Variants in LINGO2 observed in about 807,000 individuals in gnomAD.
LINGO2 encodes leucine rich repeat and Ig domain containing 2.
A neutral mutation model predicts 30.6 loss-of-function variants in LINGO2; 14 were observed. The observed-to-expected ratio is 0.46, with a 90% CI of 0.30 to 0.72. The LOEUF (loss-of-function observed/expected upper bound fraction) is 0.72. Among genes scored for constraint, LINGO2 ranks in the 30% least tolerant of loss-of-function variants. The probability of loss-of-function intolerance (pLI) is 0.07; values close to 1 mark genes in which losing one functional copy is unlikely to be tolerated. For missense variants in LINGO2, 729 were observed against 751.7 expected (o/e 0.97, Z 0.35); for synonymous variants, 317 against 288.5 (o/e 1.10, Z -1.00).
At chr9:29,040,354 G>A in the LINGO2 span, among the ~76,000 whole-genome samples, 1 of 151,990 alleles carries the variant, frequency 6.6e-6, no homozygotes, top group Non-Finnish European at 1.5e-5. Flanking sequence ...GTTGTTGCAA[G>A]TTTATAATAC....
intron 1 of LINGO2, among the ~76,000 whole-genome samples, chr9:28,604,218 G>A (rs1825610877): frequency 6.6e-6 from 1 of 151,888 alleles, no homozygotes; most frequent in Non-Finnish European, 1.5e-5. Context: ...GCATACCCAG[G>A]CACTACAGTG....
chr9:28,973,057 G>C, the LINGO2 span, among the ~76,000 whole-genome samples: 1 of 152,066 alleles, frequency 6.6e-6, no homozygotes, highest in African/African-American at 2.4e-5. Flanking sequence ...GTTTCAAAAG[G>C]GCAAATCTGA....
At chr9:28,201,944 G>A (rs1298218378) in intron 4 of LINGO2, among the ~76,000 whole-genome samples, 1 of 151,988 alleles carries the variant, frequency 6.6e-6, no homozygotes, top group African/African-American at 2.4e-5. Context: ...CAAAATCAAG[G>A]TGTTAGCAAG....
At chr9:28,390,053 A>G (rs1821761504) in intron 2 of LINGO2, among the ~76,000 whole-genome samples, 1 of 152,220 alleles carries the variant, frequency 6.6e-6, no homozygotes, top group Non-Finnish European at 1.5e-5. Context: ...AGTGTCTACT[A>G]TCTGCCAGAC....
chr9:28,737,732 G>C, the LINGO2 span, among the ~76,000 whole-genome samples: 132 of 152,082 alleles, frequency 8.7e-4, no homozygotes, highest in Admixed American at 1.1e-3. Context: ...TATTTTTATG[G>C]AGTCTGACAA....
chr9:28,613,568 A>T (rs1826008747), intron 1 of LINGO2, among the ~76,000 whole-genome samples: 1 of 152,126 alleles, frequency 6.6e-6, no homozygotes, highest in South Asian at 2.1e-4. Context: ...ATTTTAATAT[A>T]AATATGTCAC....
chr9:28,436,013 G>T (rs1011525680), intron 2 of LINGO2, among the ~76,000 whole-genome samples: 1 of 152,112 alleles, frequency 6.6e-6, no homozygotes, highest in African/African-American at 2.4e-5. Context: ...GCAGTGATCC[G>T]CAATAGAAAG....
intron 4 of LINGO2, among the ~76,000 whole-genome samples, chr9:28,195,538 T>G (rs946003144): frequency 6.6e-6 from 1 of 150,508 alleles, no homozygotes; most frequent in Admixed American, 6.6e-5. Flanking sequence ...ATAATTATAA[T>G]AATAATTAAA....
At chr9:28,437,014 A>C (rs553351972) in intron 2 of LINGO2, among the ~76,000 whole-genome samples, 1 of 152,138 alleles carries the variant, frequency 6.6e-6, no homozygotes, top group Non-Finnish European at 1.5e-5. Context: ...CCTCAATGTG[A>C]TGGTTACTTA....
At chr9:28,064,668 A>C (rs1227071984) in intron 4 of LINGO2, among the ~76,000 whole-genome samples, 2 of 152,150 alleles carry the variant, frequency 1.3e-5, no homozygotes, top group African/African-American at 4.8e-5. Context: ...CATCAGGCAC[A>C]ATTAATACCC....
the LINGO2 span, among the ~76,000 whole-genome samples, chr9:28,915,923 TA>T: frequency 6.6e-6 from 1 of 152,176 alleles, no homozygotes; most frequent in Non-Finnish European, 1.5e-5. Flanking sequence ...AAATCTCTGA[TA>T]AACGGTCGCG....
intron 4 of LINGO2, among the ~76,000 whole-genome samples, chr9:28,015,528 G>A (rs574884477): frequency 1.3e-5 from 2 of 152,078 alleles, no homozygotes; most frequent in Middle Eastern, 3.4e-3. Context: ...TTTAAATTCC[G>A]TGTTTGACAT....
chr9:28,299,599 A>T (rs933026112), intron 3 of LINGO2, among the ~76,000 whole-genome samples: 3 of 152,130 alleles, frequency 2.0e-5, no homozygotes, highest in African/African-American at 7.2e-5. Context: ...AAATTATGAG[A>T]AGTTTATACT....
the LINGO2 span, among the ~76,000 whole-genome samples, chr9:29,169,906 G>A: frequency 6.6e-6 from 1 of 152,106 alleles, no homozygotes; most frequent in South Asian, 2.1e-4. Context: ...GCTGAGGCAG[G>A]AGAATGGCTT....
the LINGO2 span, among the ~76,000 whole-genome samples, chr9:29,148,462 T>C: frequency 6.6e-6 from 1 of 152,166 alleles, no homozygotes; most frequent in East Asian, 1.9e-4. Context: ...AGTTACACTT[T>C]TGGTGTCTAT....
At chr9:28,457,174 C>T (rs893226944) in intron 2 of LINGO2, among the ~76,000 whole-genome samples, 2 of 152,114 alleles carry the variant, frequency 1.3e-5, no homozygotes, top group South Asian at 4.1e-4. Flanking sequence ...TGACCCATCA[C>T]AGTGGTTTAA....
the LINGO2 span, among the ~76,000 whole-genome samples, chr9:29,121,304 A>G: frequency 6.6e-6 from 1 of 152,170 alleles, no homozygotes; most frequent in African/African-American, 2.4e-5. Context: ...ATTATATAAC[A>G]TTTATTTTAA....
chr9:28,104,989 G>T (rs10968347), intron 4 of LINGO2, among the ~76,000 whole-genome samples: 13,113 of 151,956 alleles, frequency 0.086, 795 homozygotes, highest in Middle Eastern at 0.18. Context: ...TTTAAACATT[G>T]ATCAACCTGC....
the LINGO2 span, among the ~76,000 whole-genome samples, chr9:29,211,584 T>C: frequency 1.3e-5 from 1 of 78,676 alleles, no homozygotes; most frequent in South Asian, 3.3e-4. Context: ...TTCTCTTCTC[T>C]CTCTCTCTCT....
Sources: gnomAD v4.1 joint callset for allele counts (sites outside exome capture counted in the v4.1 genomes callset) on GRCh38, gnomAD v4.1.1 for gene constraint, MANE v1.5 for transcripts, NCBI Gene and HGNC (gene_info 2026-07-23, HGNC 2026-07-21) for gene names.